Variants in STK33 observed in about 807,000 individuals in gnomAD.
STK33 encodes the protein serine/threonine-protein kinase 33.
Under a neutral mutation model 58.0 loss-of-function variants are expected in STK33, and 52 were observed. The observed-to-expected ratio is 0.90, with a 90% CI of 0.72 to 1.13. STK33 has a LOEUF of 1.13. STK33 is among the 50% of genes most tolerant of loss of function. The pLI is 0.00. For synonymous variants in STK33, 215 were observed against 200.1 expected (o/e 1.07, Z -0.63); for missense variants, 630 against 604.2 (o/e 1.04, Z -0.45).
intron 1 of STK33, among the ~76,000 whole-genome samples, chr11:8,518,987 G>A (rs564826698): frequency 6.1e-4 from 93 of 152,106 alleles, no homozygotes; most frequent in African/African-American, 1.8e-3. Context: ...TGCACCAAGC[G>A]GACCTAATAG....
At chr11:8,430,327 T>C (rs1437854653) in intron 14 of STK33, among the ~76,000 whole-genome samples, 1 of 152,152 alleles carries the variant, frequency 6.6e-6, no homozygotes, top group Non-Finnish European at 1.5e-5. Flanking sequence ...AATTTCTATT[T>C]TTACCCACTT....
chr11:8,519,818 C>T (rs1343053749), intron 1 of STK33, among the ~76,000 whole-genome samples: 2 of 152,086 alleles, frequency 1.3e-5, no homozygotes, highest in African/African-American at 4.8e-5. Context: ...CTGAATAGAC[C>T]AATAACAGGT....
intron 1 of STK33, among the ~76,000 whole-genome samples, chr11:8,487,399 G>C (rs1416931474): frequency 1.4e-5 from 2 of 143,128 alleles, no homozygotes; most frequent in Non-Finnish European, 3.0e-5. Context: ...TCCAGCCTGA[G>C]TGACACAGTG....
intron 1 of STK33, among the ~76,000 whole-genome samples, chr11:8,556,991 C>T (rs1315765046): frequency 1.3e-5 from 2 of 151,816 alleles, no homozygotes; most frequent in Non-Finnish European, 2.9e-5. Flanking sequence ...TGTCTCATGC[C>T]TGTAATCCCA....
chr11:8,430,542 A>G (rs1309369754), intron 14 of STK33, among the ~76,000 whole-genome samples: 1 of 152,212 alleles, frequency 6.6e-6, no homozygotes, highest in Non-Finnish European at 1.5e-5. Flanking sequence ...AAGTTTTAAG[A>G]AAGTTTACAA....
At chr11:8,519,255 G>A (rs185751703) in intron 1 of STK33, among the ~76,000 whole-genome samples, 3 of 152,236 alleles carry the variant, frequency 2.0e-5, no homozygotes, top group Admixed American at 6.5e-5. Flanking sequence ...GGTACATAAC[G>A]AAATGAAGGC....
chr11:8,593,343 C>A (rs1057103271), intron 1 of STK33, among the ~76,000 whole-genome samples: 3 of 151,942 alleles, frequency 2.0e-5, no homozygotes, highest in Non-Finnish European at 4.4e-5. Context: ...GGTGGTCAGG[C>A]AAAAAAGAAG....
At chr11:8,348,193 G>A in the STK33 span, among the ~76,000 whole-genome samples, 1 of 152,200 alleles carries the variant, frequency 6.6e-6, no homozygotes, top group Non-Finnish European at 1.5e-5. Context: ...CTTCCTGCAA[G>A]GGGGAACTTC....
chr11:8,452,774 G>T, intron 11 of STK33, 48 bp downstream of exon 11: 2 of 1,538,956 alleles, frequency 1.3e-6, no homozygotes, highest in Non-Finnish European at 1.8e-6. Flanking sequence ...GGCAACAGAG[G>T]ATGATCCTGT....
chr11:8,457,618 C>T (rs992439862), intron 8 of STK33, 139 bp from the exon 9 acceptor site: 3 of 734,422 alleles, frequency 4.1e-6, no homozygotes, highest in African/African-American at 3.5e-5. Context: ...GTACAAGATA[C>T]CATACTGGAT....
chr11:8,345,334 C>G, the STK33 span, among the ~76,000 whole-genome samples: 1 of 152,226 alleles, frequency 6.6e-6, no homozygotes, highest in Non-Finnish European at 1.5e-5. Context: ...AGGCCAGGCT[C>G]TCTTAGGCAA....
the STK33 span, among the ~76,000 whole-genome samples, chr11:8,348,657 T>C: frequency 6.6e-6 from 1 of 152,360 alleles, no homozygotes; most frequent in South Asian, 2.1e-4. Flanking sequence ...TCCACCAGGC[T>C]TGACTCAGTT....
At chr11:8,520,949 A>G (rs958911458) in intron 1 of STK33, among the ~76,000 whole-genome samples, 1 of 151,792 alleles carries the variant, frequency 6.6e-6, no homozygotes, top group Non-Finnish European at 1.5e-5. Flanking sequence ...AATAAATGAA[A>G]TGATTTCTAA....
chr11:8,461,476 T>C (rs979031584), intron 8 of STK33, among the ~76,000 whole-genome samples: 2 of 152,204 alleles, frequency 1.3e-5, no homozygotes, highest in Non-Finnish European at 2.9e-5. Flanking sequence ...TAAACTTTAA[T>C]GGAGAAACTA....
intron 14 of STK33, among the ~76,000 whole-genome samples, chr11:8,427,013 T>C (rs1421689644): frequency 6.6e-6 from 1 of 152,168 alleles, no homozygotes; most frequent in Non-Finnish European, 1.5e-5. Context: ...TTTCTCTTCT[T>C]TGGTTTTGTG....
intron 1 of STK33, among the ~76,000 whole-genome samples, chr11:8,531,834 A>G (rs77424711): frequency 0.045 from 6,868 of 152,314 alleles, 224 homozygotes; most frequent in South Asian, 0.062. Flanking sequence ...ATTTTGCAGA[A>G]ATGTTTTAAA....
At chr11:8,557,750 A>C (rs1956866012) in intron 1 of STK33, among the ~76,000 whole-genome samples, 1 of 152,062 alleles carries the variant, frequency 6.6e-6, no homozygotes, top group African/African-American at 2.4e-5. Flanking sequence ...GTAGAAAAAA[A>C]CCCTCAAAAA....
chr11:8,478,513 T>C (rs931280905), intron 2 of STK33, among the ~76,000 whole-genome samples: 1 of 152,198 alleles, frequency 6.6e-6, no homozygotes, highest in African/African-American at 2.4e-5. Context: ...ATTCTGATAA[T>C]GAAAATCCCT....
intron 15 of STK33, among the ~76,000 whole-genome samples, chr11:8,408,669 C>T (rs1049366521): frequency 1.3e-5 from 2 of 152,182 alleles, no homozygotes; most frequent in African/African-American, 4.8e-5. Context: ...CCCACAATCA[C>T]CCCCAGGTTC....
Sources: allele counts gnomAD v4.1 joint callset (sites outside exome capture counted in the v4.1 genomes callset), GRCh38; gene constraint gnomAD v4.1.1; transcripts MANE v1.5; gene names NCBI Gene and HGNC (gene_info 2026-07-23, HGNC 2026-07-21).